Variants in SOS2 observed in about 807,000 individuals in gnomAD.
The protein encoded by SOS2 is son of sevenless homolog 2.
In SOS2, 65 loss-of-function variants were observed where a neutral mutation model predicts 148.2. The observed-to-expected ratio is 0.44, with a 90% CI of 0.36 to 0.54. The LOEUF (loss-of-function observed/expected upper bound fraction) is 0.54, where lower values mean the gene tolerates loss of function less well. Among genes scored for constraint, SOS2 ranks in the 20% least tolerant of loss-of-function variants. The pLI, the probability that SOS2 is intolerant of heterozygous loss-of-function variation, is 0.00. For synonymous variants in SOS2, 539 were observed against 537.1 expected, an observed-to-expected ratio of 1.00 and a Z score of -0.05; for missense variants, 1,341 against 1,590.2, an observed-to-expected ratio of 0.84 and a Z score of 2.67.
intron 1 of SOS2, among the ~76,000 whole-genome samples, chr14:50,222,757 C>T (rs889760295): frequency 6.6e-6 from 1 of 152,110 alleles, no homozygotes; most frequent in Admixed American, 6.5e-5. Context: ...GAGGTAAAAG[C>T]GGGAGGTGGG....
At chr14:50,227,676 C>T (rs1223043451) in intron 1 of SOS2, among the ~76,000 whole-genome samples, 2 of 152,236 alleles carry the variant, frequency 1.3e-5, no homozygotes, top group African/African-American at 4.8e-5. Flanking sequence ...ATCTGCCCGC[C>T]TTGGCCTCCC....
intron 1 of SOS2, chr14:50,215,595 C>T (rs1245662635): frequency 4.4e-6 from 2 of 455,000 alleles, no homozygotes; most frequent in Non-Finnish European, 5.8e-6. Flanking sequence ...TTCAAATTGC[C>T]AGAAGGCATT....
chr14:50,230,766 A>G (rs572435452), intron 1 of SOS2: 1 of 253,700 alleles, frequency 3.9e-6, no homozygotes, highest in East Asian at 1.8e-4. Context: ...ATTGCCTCAT[A>G]AGTGGATACC....
chr14:50,120,484 G>A lies in SOS2; in HGVS notation c.3380-100C>T, dbSNP rs1412592996. The A allele has an allele frequency of 4.5e-6, 3 of 663,330 alleles. No individual in the cohort carries two copies. In the Admixed American group the frequency reaches 8.9e-5, roughly 20 times the overall value. 41.1% of individuals were successfully genotyped at this position (663,330 alleles called of 1,614,324 possible). ...CTTCTACCATGGCATTTGTCAGACTGTATCAACTATTGGTTTATCTATCTT... is the reference window on the plus strand; with the variant it reads ...CTTCTACCATGGCATTTGTCAGACTATATCAACTATTGGTTTATCTATCTT... On this transcript the variant is annotated intron_variant, in intron 21 of 22. Coordinates refer to ENST00000216373, the MANE Select transcript of SOS2 (RefSeq NM_006939.4).
chr14:50,201,418 C>T (rs1464419677), intron 2 of SOS2, among the ~76,000 whole-genome samples: 2 of 151,316 alleles, frequency 1.3e-5, no homozygotes. Flanking sequence ...CCTATAGTCC[C>T]AGCTACTTCA....
intron 9 of SOS2, among the ~76,000 whole-genome samples, chr14:50,160,462 C>G (rs966643609): frequency 7.1e-6 from 1 of 140,816 alleles, no homozygotes; most frequent in Non-Finnish European, 1.5e-5. Context: ...TCTTGGCTCA[C>G]TGCAACCTCC....
chr14:50,144,611 T>C (rs920971560), intron 16 of SOS2, among the ~76,000 whole-genome samples: 2 of 151,828 alleles, frequency 1.3e-5, no homozygotes, highest in Non-Finnish European at 2.9e-5. Flanking sequence ...CTAATTTTTG[T>C]ATTTTTAGTA....
intron 4 of SOS2, among the ~76,000 whole-genome samples, chr14:50,195,875 A>C (rs2139765439): frequency 6.6e-6 from 1 of 152,074 alleles, no homozygotes; most frequent in East Asian, 1.9e-4. Context: ...AAAAACACAA[A>C]AATCAGCCAG....
At chr14:50,221,298 CT>C in intron 1 of SOS2, among the ~76,000 whole-genome samples, 1 of 152,078 alleles carries the variant, frequency 6.6e-6, no homozygotes, top group Non-Finnish European at 1.5e-5. Context: ...GTTTCATTCA[CT>C]TATGTTTAAT....
intron 1 of SOS2, among the ~76,000 whole-genome samples, chr14:50,207,849 T>G (rs1215462835): frequency 1.4e-5 from 2 of 146,198 alleles, no homozygotes; most frequent in African/African-American, 5.1e-5. Context: ...GACGCTGCCG[T>G]GAGCTGAGAT....
At chr14:50,192,574 AAAAC>A (rs1024630458) in intron 4 of SOS2, among the ~76,000 whole-genome samples, 79 of 151,986 alleles carry the variant, frequency 5.2e-4, no homozygotes, top group African/African-American at 1.9e-3. Flanking sequence ...AACAAAAACA[AAAAC>A]AAAGGCCAGG....
At chr14:50,215,739 A>G (rs118147831) in intron 1 of SOS2, among the ~76,000 whole-genome samples, 3,162 of 152,358 alleles carry the variant, frequency 0.021, 75 homozygotes, top group Non-Finnish European at 0.026. Flanking sequence ...AAAAAACAAA[A>G]AACAAAATAG....
rs139981076 is a variant in SOS2 at position 50,180,067 on chromosome 14, C to T, written c.969+505G>A. ...CCACCCAAGCTGGAGTGCAGTGGCG[C>T]GATCTCGGCTCACTGCAACCTCCGC... is the stretch of plus-strand genomic sequence containing the variant. On this transcript the variant is annotated intron_variant, in intron 7 of 22. Transcript: ENST00000216373. Among the ~76,000 whole-genome samples the T allele has an allele frequency of 1.9e-3, 291 of 151,644 alleles. 2 individuals carry two copies. The highest frequency in any genetic ancestry group is 6.1e-3 in the African/African-American group (252 of 41,296).
intron 1 of SOS2, among the ~76,000 whole-genome samples, chr14:50,207,735 G>A (rs1254314307): frequency 3.3e-5 from 5 of 151,162 alleles, no homozygotes; most frequent in African/African-American, 9.7e-5. Flanking sequence ...GTGAAACCCC[G>A]TCTCTACTAA....
Position 50,118,239 on chromosome 14 carries a change from G to C in SOS2, c.*105C>G, listed in dbSNP as rs1181992005. 4 of 924,232 alleles carry C rather than the reference G, an allele frequency of 4.3e-6. No homozygotes were observed. The highest frequency in any genetic ancestry group is 6.5e-6 in the Non-Finnish European group (4 of 616,838). The allele number at this position is 924,232 out of a possible 1,614,324, so 57.3% of individuals were successfully genotyped here. A position where few individuals can be genotyped will look rare whatever the true frequency, so the allele number is the denominator to read the frequency against. On this transcript the variant is annotated 3_prime_UTR_variant, in exon 23 of 23. Transcript: ENST00000216373. ...TTTGATCAGTAGCATTTTTGTAAGAGCATTATTTGTAAAAAGTACTAAAAT... is the reference window on the plus strand; with the variant it reads ...TTTGATCAGTAGCATTTTTGTAAGACCATTATTTGTAAAAAGTACTAAAAT...
Position 50,229,874 on chromosome 14 carries a change from T to C in SOS2, c.87+1323A>G, listed in dbSNP as rs111465418. Among the ~76,000 whole-genome samples the C allele has an allele frequency of 8.9e-3, 1,358 of 152,334 alleles. 24 individuals are homozygous for C. Among genetic ancestry groups the C allele is most frequent in the African/African-American group, 0.031 (1,299 of 41,570 alleles). ...ATTACTATCTAGGCATTTCCCCCTTTGCTTTTAATTCAGGCCAGAGTTCAT... is the reference window on the plus strand; with the variant it reads ...ATTACTATCTAGGCATTTCCCCCTTCGCTTTTAATTCAGGCCAGAGTTCAT... On this transcript the variant is annotated intron_variant, in intron 1 of 22. Transcript: ENST00000216373.
In SOS2 at chr14:50,164,530, C is replaced by T. The variant is rs75479067; in HGVS notation, c.1069-2921G>A. Reference sequence around the variant, plus strand: ...CCTGTAATCCCAGCTACTCAGGAGGCTGAGGCATGAGAATCACTTGAACCT... The same window carrying T: ...CCTGTAATCCCAGCTACTCAGGAGGTTGAGGCATGAGAATCACTTGAACCT... On this transcript the variant is annotated intron_variant, in intron 8 of 22. Coordinates refer to ENST00000216373, the MANE Select transcript of SOS2 (RefSeq NM_006939.4). Among the ~76,000 whole-genome samples, 46 of 151,880 alleles carry T rather than the reference C, an allele frequency of 3.0e-4. No individual in the cohort carries two copies. The East Asian group carries it at 8.3e-3, about 27-fold the overall frequency.
At chr14:50,171,173 T>C (rs1885349578) in intron 8 of SOS2, among the ~76,000 whole-genome samples, 1 of 150,678 alleles carries the variant, frequency 6.6e-6, no homozygotes, top group Non-Finnish European at 1.5e-5. Flanking sequence ...TGTGGAGAAA[T>C]CAGAACCCTG....
chr14:50,168,263 C>G lies in SOS2; in HGVS notation c.1068+6191G>C, dbSNP rs184476954. 6.0e-4 allele frequency among the ~76,000 whole-genome samples: 91 copies of G among 152,260 alleles called. 1 individual carries two copies. The highest frequency in any genetic ancestry group is 2.1e-3 in the African/African-American group (89 of 41,558). On this transcript the variant is annotated intron_variant, in intron 8 of 22. Transcript: ENST00000216373. ...CTGAGATAAGGTCTTGCTCTCTTGC[C>G]CAGGCTGGAGTGCCGTGGTGTGATC...
Sources: allele counts gnomAD v4.1 joint callset (sites outside exome capture counted in the v4.1 genomes callset), GRCh38; gene constraint gnomAD v4.1.1; transcripts MANE v1.5; gene names NCBI Gene and HGNC (gene_info 2026-07-23, HGNC 2026-07-21).